The following SMC4 variants were observed in gnomAD, a reference collection of about 807,000 sequenced individuals.
SMC4 encodes structural maintenance of chromosomes 4.
In SMC4, 87 loss-of-function variants were observed where a neutral mutation model predicts 145.6. The observed-to-expected ratio is 0.60, with a 90% CI of 0.50 to 0.71. The LOEUF is 0.71. Among genes scored for constraint, SMC4 ranks in the 30% least tolerant of loss-of-function variants. The pLI is 0.00. For missense variants in SMC4, 1,447 were observed against 1,537.1 expected (o/e 0.94, Z 0.98); for synonymous variants, 558 against 500.7 (o/e 1.11, Z -1.53).
chr3:160,429,268 C>G (rs1290986154), intron 18 of SMC4, among the ~76,000 whole-genome samples: 1 of 151,606 alleles, frequency 6.6e-6, no homozygotes, highest in Non-Finnish European at 1.5e-5. Flanking sequence ...TAGATACAGG[C>G]CTTAAAAGAA....
intron 21 of SMC4, 82 bp from the exon 22 acceptor site, chr3:160,432,201 C>T: frequency 8.7e-7 from 1 of 1,153,808 alleles, no homozygotes; most frequent in Non-Finnish European, 1.2e-6. Flanking sequence ...GACTACGTCT[C>T]AAAACAAAGT....
At chr3:160,430,088 A>G (rs1718227273) in intron 18 of SMC4, among the ~76,000 whole-genome samples, 1 of 152,188 alleles carries the variant, frequency 6.6e-6, no homozygotes, top group Admixed American at 6.5e-5. Flanking sequence ...TTGAAATTTA[A>G]ATAGCCATTT....
chr3:160,414,583 G>C (rs1716393202), intron 9 of SMC4, 66 bp downstream of exon 9: 1 of 1,416,766 alleles, frequency 7.1e-7, no homozygotes, highest in Non-Finnish European at 9.8e-7. Context: ...TCATGGATGT[G>C]TTTGCCCCTT....
intron 11 of SMC4, among the ~76,000 whole-genome samples, chr3:160,418,188 A>G (rs1211584488): frequency 6.6e-6 from 1 of 152,142 alleles, no homozygotes; most frequent in Non-Finnish European, 1.5e-5. Flanking sequence ...CCACCACCCC[A>G]CTGTAGAAAT....
intron 20 of SMC4, 76 bp downstream of exon 20, chr3:160,431,281 G>C: frequency 7.9e-7 from 1 of 1,259,628 alleles, no homozygotes; most frequent in Non-Finnish European, 1.1e-6. Context: ...GATTGTTTTA[G>C]GGGGTTGGGG....
chr3:160,430,175 G>A (rs983145378), intron 18 of SMC4, among the ~76,000 whole-genome samples: 2 of 152,202 alleles, frequency 1.3e-5, no homozygotes, highest in African/African-American at 4.8e-5. Context: ...GTTTTGCTCA[G>A]AGATAAGGAG....
chr3:160,429,652 A>T (rs1437194769), intron 18 of SMC4, among the ~76,000 whole-genome samples: 1 of 150,482 alleles, frequency 6.6e-6, no homozygotes, highest in Non-Finnish European at 1.5e-5. Flanking sequence ...CAGCCACCTT[A>T]AAATTTTAAA....
At position 160,423,838 on chromosome 3, in the gene SMC4, G is replaced by C. The variant is rs1484325481; in HGVS notation, c.2323G>C (p.Glu775Gln). 6 of 1,610,234 alleles carry C rather than the reference G, an allele frequency of 3.7e-6. No individual in the cohort carries two copies. Among genetic ancestry groups the C allele is most frequent in the Non-Finnish European group, 4.2e-6 (5 of 1,178,220 alleles). The change falls in exon 15 of 24, where the codon GAG becomes CAG. Residue 775 changes from glutamate to glutamine, a missense_variant and splice_region_variant. Physicochemically the swap from Glu to Gln is conservative, Grantham distance 29. Coordinates refer to ENST00000357388, the MANE Select transcript of SMC4 (RefSeq NM_001002800.3). ...ACTTGTTATTGAAATCTCTGAAGAA[G>C]AGGTCAGCATATCTAAAATTGTATC... ...SSLVIEISEE[E>Q]VNKMESQLQN... is the part of the protein sequence containing the mutation.
intron 5 of SMC4, among the ~76,000 whole-genome samples, chr3:160,407,239 A>G (rs753772748): frequency 4.6e-5 from 7 of 152,238 alleles, no homozygotes; most frequent in South Asian, 2.1e-4. Context: ...TTGTCTTCAT[A>G]TTACAAAATC....
intron 22 of SMC4, chr3:160,432,814 G>T (rs1334015751): frequency 1.8e-6 from 1 of 541,328 alleles, no homozygotes. Flanking sequence ...TACTTAGCTT[G>T]CTCTTTAAAT....
At chr3:160,426,877 T>G (rs1341605711) in intron 17 of SMC4, among the ~76,000 whole-genome samples, 1 of 152,172 alleles carries the variant, frequency 6.6e-6, no homozygotes, top group Non-Finnish European at 1.5e-5. Context: ...AGCTAGTGAC[T>G]CCAGCAAACA....
At position 160,431,681 on chromosome 3, in the gene SMC4, T is replaced by C. The variant is rs1435795976; in HGVS notation, c.3153T>C (p.Pro1051=). Residue 1051 remains proline (P), a synonymous_variant, in exon 21 of 24, where the codon CCT becomes CCC. Coordinates refer to ENST00000357388, the MANE Select transcript of SMC4 (RefSeq NM_001002800.3). ...CACTGCATCCTATAGAAGATAATCCTATTGAAGAGATTTCGGTTCTAAGCC... is the reference window on the plus strand; with the variant it reads ...CACTGCATCCTATAGAAGATAATCCCATTGAAGAGATTTCGGTTCTAAGCC... ...KISLHPIEDN[P]IEEISVLSPE... The C allele has an allele frequency of 2.5e-6, 4 of 1,609,440 alleles. No homozygotes were observed. The highest frequency in any genetic ancestry group is 3.4e-6 in the Non-Finnish European group (4 of 1,179,030).
intron 18 of SMC4, 104 bp downstream of exon 18, chr3:160,429,046 TTTATTG>T: frequency 1.0e-6 from 1 of 973,894 alleles, no homozygotes; most frequent in Non-Finnish European, 1.5e-6. Context: ...TTACTGTTAA[TTTATTG>T]AACCTGTCTG....
rs973378048 is a variant in SMC4 at position 160,399,683 on chromosome 3, G to A, written c.-72G>A. The A allele has an allele frequency of 2.0e-5, 3 of 152,646 alleles. No homozygotes were observed. Among genetic ancestry groups the A allele is most frequent in the Admixed American group, 1.3e-4 (2 of 15,284 alleles). 9.5% of individuals were successfully genotyped at this position (152,646 alleles called of 1,614,324 possible). On this transcript the variant is annotated 5_prime_UTR_variant, in exon 1 of 24. Transcript: ENST00000357388. ...GTGAAGGACCCGGAGCCGAAACACC[G>A]GTAGGAGCGGGGAGGTGGGTACTAC... is the stretch of plus-strand genomic sequence containing the variant.
rs761925796 is a variant in SMC4 at position 160,423,679 on chromosome 3, T to C, written c.2245+29T>C. ...ATAGTGTTTTTGTTTCTTGGTTTGT[T>C]TTTTTTTCCCCCCACAGCATTGACT... On this transcript the variant is annotated intron_variant, in intron 14 of 23. Coordinates refer to ENST00000357388, the MANE Select transcript of SMC4 (RefSeq NM_001002800.3). The C allele has an allele frequency of 3.1e-6, 5 of 1,598,306 alleles. No homozygotes were observed. In the East Asian group the frequency reaches 9.0e-5, roughly 29 times the overall value.
At chr3:160,413,448 C>CTTTT in intron 7 of SMC4, 25 bp from the exon 8 acceptor site, 2 of 1,276,226 alleles carry the variant, frequency 1.6e-6, no homozygotes, top group Admixed American at 2.6e-5. Flanking sequence ...GCTTCAATTT[C>CTTTT]TTTTTTTTTT....
intron 15 of SMC4, 57 bp from the exon 16 acceptor site, chr3:160,424,810 C>G: frequency 6.3e-7 from 1 of 1,596,740 alleles, no homozygotes; most frequent in Non-Finnish European, 8.6e-7. Flanking sequence ...TAGTTTTCTT[C>G]GTAAGTTGAC....
intron 2 of SMC4, among the ~76,000 whole-genome samples, 187 bp downstream of exon 2, chr3:160,401,152 A>G (rs1338355841): frequency 6.6e-6 from 1 of 151,956 alleles, no homozygotes; most frequent in Non-Finnish European, 1.5e-5. Flanking sequence ...ATTTTGGTGT[A>G]ACGGCGCTGG....
intron 5 of SMC4, among the ~76,000 whole-genome samples, chr3:160,409,138 T>C (rs76637013): frequency 6.7e-6 from 1 of 150,296 alleles, no homozygotes; most frequent in African/African-American, 2.4e-5. Flanking sequence ...TGGTGGCGCG[T>C]GCCTGTAGTC....
Sources: allele counts gnomAD v4.1 joint callset (sites outside exome capture counted in the v4.1 genomes callset), GRCh38; gene constraint gnomAD v4.1.1; transcripts MANE v1.5; gene names NCBI Gene and HGNC (gene_info 2026-07-23, HGNC 2026-07-21).